NTRK2: variants seen among roughly 807,000 people sequenced by gnomAD.
NTRK2 encodes the protein BDNF/NT-3 growth factors receptor.
Under a neutral mutation model 94.5 loss-of-function variants are expected in NTRK2, and 13 were observed. That is an observed-to-expected ratio of 0.14 (90% CI 0.09 to 0.22). NTRK2 has a LOEUF of 0.22. Among genes scored for constraint, NTRK2 ranks in the 10% least tolerant of loss-of-function variants. NTRK2 has a pLI of 1.00. For synonymous variants in NTRK2, 372 were observed against 407.4 expected (o/e 0.91, Z 1.05); for missense variants, 639 against 1,071.2 (o/e 0.60, Z 5.63).
At chr9:84,939,300 T>G (rs1399724625) in intron 15 of NTRK2, among the ~76,000 whole-genome samples, 1 of 152,098 alleles carries the variant, frequency 6.6e-6, no homozygotes, top group Non-Finnish European at 1.5e-5. Context: ...ATTTTGCCAA[T>G]GAAGAAACAG....
At chr9:84,733,789 A>C (rs1281078576) in intron 9 of NTRK2, among the ~76,000 whole-genome samples, 1 of 152,208 alleles carries the variant, frequency 6.6e-6, no homozygotes, top group Non-Finnish European at 1.5e-5. Flanking sequence ...TGGAGGACAA[A>C]GACACCTCTT....
chr9:84,771,226 T>C (rs2066514150), intron 12 of NTRK2, among the ~76,000 whole-genome samples: 1 of 152,176 alleles, frequency 6.6e-6, no homozygotes, highest in East Asian at 1.9e-4. Flanking sequence ...CAATGAGATT[T>C]GAGAGCAGGA....
At chr9:84,819,341 G>A (rs41511747) in intron 12 of NTRK2, among the ~76,000 whole-genome samples, 4,987 of 152,268 alleles carry the variant, frequency 0.033, 144 homozygotes, top group Admixed American at 0.084. Context: ...TTGAGTCGGG[G>A]TAGGAAGTAC....
intron 17 of NTRK2, among the ~76,000 whole-genome samples, chr9:84,971,526 G>T (rs1232396758): frequency 1.3e-5 from 2 of 152,218 alleles, no homozygotes; most frequent in Non-Finnish European, 2.9e-5. Context: ...GAGCAGGAAG[G>T]CCCCGTGGCA....
Position 84,946,042 on chromosome 9 carries a change from G to A in NTRK2, c.1765-2420G>A, listed in dbSNP as rs573405688. On this transcript the variant is annotated intron_variant, in intron 15 of 18. Coordinates refer to ENST00000277120, the MANE Select transcript of NTRK2 (RefSeq NM_006180.6). ...CCACAGGGAGAGAAGCACCGAGGCC[G>A]TGATCTAGAAAATGACCACCAGGGA... Among the ~76,000 whole-genome samples the A allele has an allele frequency of 7.9e-5, 12 of 152,312 alleles. No homozygotes were observed. In the South Asian group the frequency reaches 1.5e-3, roughly 18 times the overall value.
intron 12 of NTRK2, among the ~76,000 whole-genome samples, chr9:84,816,811 A>C (rs1190134439): frequency 6.6e-6 from 1 of 151,602 alleles, no homozygotes; most frequent in Admixed American, 6.6e-5. Flanking sequence ...AAAAGAAAAA[A>C]GCCCAAACTT....
intron 14 of NTRK2, among the ~76,000 whole-genome samples, chr9:84,903,504 A>G (rs1488692442): frequency 6.6e-6 from 1 of 152,192 alleles, no homozygotes; most frequent in Non-Finnish European, 1.5e-5. Flanking sequence ...AAAATACTTA[A>G]TAGCTCTTTC....
At chr9:84,862,416 T>G (rs1314583631) in intron 13 of NTRK2, among the ~76,000 whole-genome samples, 1 of 152,212 alleles carries the variant, frequency 6.6e-6, no homozygotes, top group Non-Finnish European at 1.5e-5. Context: ...GTCTTGCTTC[T>G]GCTAAATAGC....
chr9:84,877,349 G>T lies in NTRK2; in HGVS notation c.1633+9918G>T, dbSNP rs79702364. The stretch of plus-strand genomic sequence containing the variant: ...GGTGTGAGGGCGGAGCTATGTGAAG[G>T]GTTGCTGGGTTGGGGGATTAGTTCA... On this transcript the variant is annotated intron_variant, in intron 14 of 18. Transcript: ENST00000277120. The T allele has an allele frequency of 1.3e-3, 1,422 of 1,066,170 alleles. 32 individuals carry two copies. The Admixed American group carries it at 0.04, about 30-fold the overall frequency. The allele number at this position is 1,066,170 out of a possible 1,614,324, so 66.0% of individuals were successfully genotyped here.
intron 18 of NTRK2, 89 bp downstream of exon 18, chr9:85,020,453 A>G (rs1832684092): frequency 1.5e-6 from 2 of 1,353,410 alleles, no homozygotes; most frequent in Non-Finnish European, 2.1e-6. Flanking sequence ...TTGGAAGACC[A>G]TGTCAGGACA....
At chr9:84,816,667 TA>T (rs773786253) in intron 12 of NTRK2, among the ~76,000 whole-genome samples, 7 of 150,264 alleles carry the variant, frequency 4.7e-5, no homozygotes, top group Non-Finnish European at 8.8e-5. Context: ...TAATCTCACC[TA>T]TTCAGGAGGC....
intron 15 of NTRK2, among the ~76,000 whole-genome samples, chr9:84,942,484 A>G (rs1259583883): frequency 6.6e-6 from 1 of 152,200 alleles, no homozygotes; most frequent in East Asian, 1.9e-4. Flanking sequence ...GTTTTCCAAC[A>G]TTCCCAAGAA....
chr9:84,789,513 G>A (rs768491425), intron 12 of NTRK2, among the ~76,000 whole-genome samples: 18 of 152,190 alleles, frequency 1.2e-4, no homozygotes, highest in Non-Finnish European at 2.5e-4. Flanking sequence ...AGAAAGACAA[G>A]TTTGAATGTT....
At chr9:84,844,440 G>A (rs1167952298) in intron 12 of NTRK2, among the ~76,000 whole-genome samples, 3 of 152,100 alleles carry the variant, frequency 2.0e-5, no homozygotes, top group African/African-American at 7.2e-5. Context: ...ATTTTTGTAA[G>A]GGGAGGGGAA....
intron 17 of NTRK2, among the ~76,000 whole-genome samples, chr9:84,981,038 G>T (rs1221546007): frequency 3.3e-5 from 5 of 152,120 alleles, no homozygotes; most frequent in African/African-American, 1.2e-4. Flanking sequence ...ACTCATTCTT[G>T]CTTTGTCTTA....
rs181118340 is a variant in NTRK2, at chr9:84,720,568, C to T, written c.584-3005C>T. 5.0e-4 allele frequency among the ~76,000 whole-genome samples: 76 copies of T among 152,008 alleles called. 1 individual carries two copies. The highest frequency in any genetic ancestry group is 3.9e-3 in the Admixed American group (59 of 15,250). ...GAAGATGACAATTCATAAATTTGTG[C>T]GATGTTTCTAGTACCCCATTCTTAA... is the stretch of plus-strand genomic sequence containing the variant. On this transcript the variant is annotated intron_variant, in intron 6 of 18. Coordinates refer to ENST00000277120, the MANE Select transcript of NTRK2 (RefSeq NM_006180.6).
intron 12 of NTRK2, among the ~76,000 whole-genome samples, chr9:84,837,381 C>G (rs1197081213): frequency 6.6e-6 from 1 of 152,166 alleles, no homozygotes; most frequent in Non-Finnish European, 1.5e-5. Flanking sequence ...CTGCCGCTCA[C>G]TGGCCAGGTA....
At chr9:84,705,013 C>T (rs932164994) in intron 4 of NTRK2, among the ~76,000 whole-genome samples, 10 of 152,076 alleles carry the variant, frequency 6.6e-5, no homozygotes, top group Non-Finnish European at 8.8e-5. Flanking sequence ...CAAATATCAA[C>T]GCAGTGGGGT....
At chr9:84,964,913 G>A (rs1450842899) in intron 17 of NTRK2, among the ~76,000 whole-genome samples, 1 of 152,184 alleles carries the variant, frequency 6.6e-6, no homozygotes, top group African/African-American at 2.4e-5. Context: ...TGGCAAACAA[G>A]TTCTCTCATC....
Sources: gnomAD v4.1 joint callset for allele counts (sites outside exome capture counted in the v4.1 genomes callset) on GRCh38, gnomAD v4.1.1 for gene constraint, MANE v1.5 for transcripts, NCBI Gene and HGNC (gene_info 2026-07-23, HGNC 2026-07-21) for gene names.